MED13L: variants seen among roughly 807,000 people sequenced by gnomAD.
The protein encoded by MED13L is mediator complex subunit 13L, also known as mediator of RNA polymerase II transcription subunit 13-like.
In MED13L, 7 loss-of-function variants were observed where a neutral mutation model predicts 220.9. That is an observed-to-expected ratio of 0.03 (90% CI 0.02 to 0.06). The LOEUF is 0.06. Among genes scored for constraint, MED13L ranks in the 10% least tolerant of loss-of-function variants. The probability of loss-of-function intolerance (pLI) is 1.00; values close to 1 mark genes in which losing one functional copy is unlikely to be tolerated. For synonymous variants in MED13L, 1,011 were observed against 1,015.2 expected (o/e 1.00, Z 0.08); for missense variants, 1,965 against 2,760.5 (o/e 0.71, Z 6.46).
At chr12:116,243,410 C>T (rs576328286) in intron 1 of MED13L, among the ~76,000 whole-genome samples, 14 of 152,116 alleles carry the variant, frequency 9.2e-5, no homozygotes, top group Non-Finnish European at 1.8e-4. Flanking sequence ...GGTTAAGTGG[C>T]AGATACTCCC....
At chr12:116,031,664 G>A (rs1461417843) in intron 4 of MED13L, among the ~76,000 whole-genome samples, 6 of 114,994 alleles carry the variant, frequency 5.2e-5, no homozygotes, top group Non-Finnish European at 9.4e-5. Context: ...GGGACGGGAC[G>A]GGAGAAAAGA....
intron 2 of MED13L, among the ~76,000 whole-genome samples, chr12:116,135,104 G>A (rs142416111): frequency 1.3e-5 from 2 of 152,162 alleles, no homozygotes; most frequent in Non-Finnish European, 2.9e-5. Flanking sequence ...GGGAGGCAGA[G>A]GTTGCAGTGA....
At chr12:115,982,056 T>C (rs914088377) in intron 22 of MED13L, 16 of 296,044 alleles carry the variant, frequency 5.4e-5, no homozygotes, top group African/African-American at 1.8e-4. Context: ...ATGTGATGTA[T>C]TGCAGTCAAA....
chr12:116,137,636 G>A (rs1363730305), intron 2 of MED13L, among the ~76,000 whole-genome samples: 3 of 151,938 alleles, frequency 2.0e-5, no homozygotes, highest in African/African-American at 7.3e-5. Context: ...CAGGGAAACA[G>A]GCTTTGGAAT....
chr12:116,111,602 A>T, intron 2 of MED13L, 90 bp from the exon 3 acceptor site: 2 of 926,512 alleles, frequency 2.2e-6, no homozygotes, highest in South Asian at 1.5e-5. Flanking sequence ...TCTAAAGCAA[A>T]GTTCATGAGT....
intron 3 of MED13L, among the ~76,000 whole-genome samples, chr12:116,108,138 T>C (rs1873751737): frequency 6.6e-6 from 1 of 151,542 alleles, no homozygotes; most frequent in Non-Finnish European, 1.5e-5. Context: ...CAGTTCTAGC[T>C]TTCAAGCCAG....
chr12:116,222,800 ATATTTAG>A (rs1261739860), intron 2 of MED13L, among the ~76,000 whole-genome samples: 5 of 152,232 alleles, frequency 3.3e-5, no homozygotes, highest in Non-Finnish European at 7.3e-5. Context: ...GCTATCTTAA[ATATTTAG>A]AAAGGAGATG....
chr12:116,133,318 A>G (rs556619224), intron 2 of MED13L, among the ~76,000 whole-genome samples: 3 of 152,326 alleles, frequency 2.0e-5, no homozygotes, highest in African/African-American at 4.8e-5. Context: ...ACATTGCCTA[A>G]AAGTCCAATA....
intron 29 of MED13L, among the ~76,000 whole-genome samples, chr12:115,964,401 T>A (rs1434834133): frequency 1.3e-5 from 2 of 152,182 alleles, no homozygotes; most frequent in African/African-American, 4.8e-5. Context: ...TGAAGTCACA[T>A]GATTCATCAC....
chr12:116,097,797 G>T (rs143962579), intron 3 of MED13L, among the ~76,000 whole-genome samples: 39 of 152,240 alleles, frequency 2.6e-4, no homozygotes, highest in African/African-American at 8.9e-4. Context: ...CCCAACTCTT[G>T]TAACAACAAT....
At chr12:116,024,775 G>GGGGGGGGGGGGGGGGGGGGGGGGT (rs1880276964) in intron 4 of MED13L, among the ~76,000 whole-genome samples, 1 of 88,818 alleles carries the variant, frequency 1.1e-5, no homozygotes, top group Non-Finnish European at 2.3e-5. Flanking sequence ...TGGCGGGGCG[G>GGGGGGGGGGGGGGGGGGGGGGGGT]GGGGGGGGGG....
chr12:116,055,092 CTAAA>C (rs1257110536), intron 4 of MED13L, among the ~76,000 whole-genome samples: 3 of 152,074 alleles, frequency 2.0e-5, no homozygotes, highest in Non-Finnish European at 4.4e-5. Context: ...ACGCTATTAA[CTAAA>C]TAAAGTTTAA....
chr12:116,043,252 GA>G (rs565482305), intron 4 of MED13L, among the ~76,000 whole-genome samples: 13 of 151,436 alleles, frequency 8.6e-5, no homozygotes, highest in Non-Finnish European at 1.5e-4. Context: ...AAGCAATACA[GA>G]AAAAAAAGGA....
chr12:116,043,946 C>A (rs1881682434), intron 4 of MED13L, among the ~76,000 whole-genome samples: 1 of 152,210 alleles, frequency 6.6e-6, no homozygotes, highest in East Asian at 1.9e-4. Flanking sequence ...ATGTAATATT[C>A]ATGTGTAGTC....
intron 2 of MED13L, among the ~76,000 whole-genome samples, chr12:116,143,308 G>A (rs1877235040): frequency 6.6e-6 from 1 of 151,000 alleles, no homozygotes; most frequent in Non-Finnish European, 1.5e-5. Flanking sequence ...TTGAGCCCAG[G>A]GGACACAGCA....
Position 116,008,406 on chromosome 12 carries a change from C to T in MED13L, c.2007G>A (p.Leu669=). The T allele has an allele frequency of 6.2e-7, 1 of 1,608,898 alleles. No individual in the cohort carries two copies. Among genetic ancestry groups the T allele is most frequent in the African/African-American group, 1.3e-5 (1 of 74,948 alleles). The change falls in exon 10 of 31, where the codon TTG becomes TTA. Residue 669 remains leucine, a synonymous_variant. Transcript: ENST00000281928. The stretch of plus-strand genomic sequence containing the variant: ...GGTGCAGAGAGCTGTCTTACCTTTG[C>T]AATGCAGTGCTCTCTGAGTTTACCT... ...KMEVNSESTA[L]QRLLAQPNKR...
chr12:115,984,052 T>C lies in MED13L; in HGVS notation c.4531+128A>G. ...CATTAAACTGCCCAGAACACCAAACTGGACCTTAACAAATACAGCATTACT... is the reference window on the plus strand; with the variant it reads ...CATTAAACTGCCCAGAACACCAAACCGGACCTTAACAAATACAGCATTACT... On this transcript the variant is annotated intron_variant, in intron 20 of 30. Transcript: ENST00000281928. The C allele has an allele frequency of 3.6e-6, 4 of 1,096,268 alleles. No homozygotes were observed. In the South Asian group the frequency reaches 4.0e-5, roughly 11 times the overall value. The allele number at this position is 1,096,268 out of a possible 1,614,324, so 67.9% of individuals were successfully genotyped here.
intron 2 of MED13L, among the ~76,000 whole-genome samples, chr12:116,197,505 C>T (rs1375620185): frequency 6.6e-6 from 1 of 151,994 alleles, no homozygotes; most frequent in Non-Finnish European, 1.5e-5. Context: ...GGTGGCTCAC[C>T]CCTGTAATCC....
intron 2 of MED13L, among the ~76,000 whole-genome samples, chr12:116,218,083 G>A (rs1421803645): frequency 1.3e-5 from 2 of 152,070 alleles, no homozygotes; most frequent in African/African-American, 2.4e-5. Context: ...ATAACATAAA[G>A]AGATTCAATA....
Sources: gnomAD v4.1 joint callset for allele counts (sites outside exome capture counted in the v4.1 genomes callset) on GRCh38, gnomAD v4.1.1 for gene constraint, MANE v1.5 for transcripts, NCBI Gene and HGNC (gene_info 2026-07-23, HGNC 2026-07-21) for gene names.